Variants in FGGY observed in about 807,000 individuals in gnomAD.
FGGY encodes the protein FGGY carbohydrate kinase domain-containing protein.
A neutral mutation model predicts 71.3 loss-of-function variants in FGGY; 72 were observed. The ratio of observed to expected loss-of-function variants is 1.01; its 90% confidence interval spans 0.84 to 1.23. FGGY has a LOEUF of 1.23. Ranked by LOEUF, FGGY falls within the 50% of genes most tolerant of loss-of-function variation. FGGY has a pLI of 0.00. For missense variants in FGGY, 668 were observed against 682.3 expected, an observed-to-expected ratio of 0.98 and a Z score of 0.23; for synonymous variants, 251 against 250.3, an observed-to-expected ratio of 1.00 and a Z score of -0.02.
chr1:59,583,524 G>A (rs1485914908), intron 8 of FGGY, among the ~76,000 whole-genome samples: 1 of 143,298 alleles, frequency 7.0e-6, no homozygotes, highest in Non-Finnish European at 1.5e-5. Flanking sequence ...GGTTGAAGTA[G>A]TGAGCATGAA....
chr1:59,369,699 A>G (rs539125590), intron 4 of FGGY, among the ~76,000 whole-genome samples: 1 of 152,078 alleles, frequency 6.6e-6, no homozygotes, highest in East Asian at 1.9e-4. Flanking sequence ...ACGGCCGGAT[A>G]CTCCTCTGAG....
chr1:59,399,042 T>A (rs2061637066), intron 5 of FGGY, among the ~76,000 whole-genome samples: 1 of 152,210 alleles, frequency 6.6e-6, no homozygotes, highest in South Asian at 2.1e-4. Context: ...AAAGGAAGCC[T>A]GGTCAAGTTT....
intron 7 of FGGY, among the ~76,000 whole-genome samples, chr1:59,551,061 A>G (rs1029641608): frequency 2.0e-5 from 3 of 152,178 alleles, no homozygotes; most frequent in Non-Finnish European, 4.4e-5. Context: ...GGAAGAATCC[A>G]GTTGTCTCTT....
chr1:59,660,222 A>T lies in FGGY; in HGVS notation c.1225A>T (p.Thr409Ser). The change falls in exon 12 of 16, where the codon ACC becomes TCC. Residue 409 changes from threonine (T) to serine (S), a missense_variant. Coordinates refer to ENST00000303721, the MANE Select transcript of FGGY (RefSeq NM_018291.5). ...LADLTLKGMV[T>S]GLKLSQDLDD... is the part of the protein sequence containing the mutation. ...TTTCTTCCCTTCATGCCTGCAGGTCACCGGATTGAAACTGTCTCAGGACCT... is the reference window on the plus strand; with the variant it reads ...TTTCTTCCCTTCATGCCTGCAGGTCTCCGGATTGAAACTGTCTCAGGACCT... 1 of 1,613,438 alleles carries T rather than the reference A, an allele frequency of 6.2e-7. No homozygotes were observed. Among genetic ancestry groups the T allele is most frequent in the Non-Finnish European group, 8.5e-7 (1 of 1,179,880 alleles).
At chr1:59,359,317 G>A (rs928266783) in intron 4 of FGGY, among the ~76,000 whole-genome samples, 1 of 152,112 alleles carries the variant, frequency 6.6e-6, no homozygotes, top group Non-Finnish European at 1.5e-5. Flanking sequence ...ATGAACTCTA[G>A]AATAAAACGT....
intron 11 of FGGY, among the ~76,000 whole-genome samples, chr1:59,653,451 C>T (rs558875807): frequency 6.6e-6 from 1 of 152,292 alleles, no homozygotes; most frequent in South Asian, 2.1e-4. Context: ...GATATAGTCT[C>T]GTGGTTCGCC....
chr1:59,534,606 A>C (rs1461147945), intron 7 of FGGY, among the ~76,000 whole-genome samples: 1 of 152,220 alleles, frequency 6.6e-6, no homozygotes, highest in Admixed American at 6.5e-5. Context: ...CCTCAAAGGG[A>C]AGCCCATCAG....
chr1:59,458,300 A>G (rs932570879), intron 6 of FGGY, among the ~76,000 whole-genome samples: 1 of 152,184 alleles, frequency 6.6e-6, no homozygotes, highest in Non-Finnish European at 1.5e-5. Flanking sequence ...GCTGTTTGAC[A>G]TAAGGATTTT....
chr1:59,662,333 A>AG (rs1197508434), intron 12 of FGGY, among the ~76,000 whole-genome samples: 3 of 149,966 alleles, frequency 2.0e-5, no homozygotes, highest in Non-Finnish European at 2.9e-5. Context: ...AAAAAAAAAA[A>AG]AAGAGAGAGA....
At chr1:59,730,791 T>G (rs2098017402) in intron 14 of FGGY, among the ~76,000 whole-genome samples, 1 of 151,960 alleles carries the variant, frequency 6.6e-6, no homozygotes, top group Non-Finnish European at 1.5e-5. Flanking sequence ...ATCACCTGAG[T>G]TGAGTTGTAA....
At chr1:59,611,873 T>A (rs1442395985) in intron 9 of FGGY, among the ~76,000 whole-genome samples, 3 of 152,212 alleles carry the variant, frequency 2.0e-5, no homozygotes, top group African/African-American at 7.2e-5. Context: ...AGTAGCCGAT[T>A]TGATCAACTG....
chr1:59,723,359 C>T lies in FGGY; in HGVS notation c.1513-34572C>T, dbSNP rs140732939. On this transcript the variant is annotated intron_variant, in intron 14 of 15. Coordinates refer to ENST00000303721, the MANE Select transcript of FGGY (RefSeq NM_018291.5). ...TTGCCACATGGATCATTCTAACTCG[C>T]TCTCCTTGCTTATATTTAAATTCCC... Among the ~76,000 whole-genome samples the T allele has an allele frequency of 5.4e-3, 818 of 152,192 alleles. 10 individuals carry two copies. Among genetic ancestry groups the T allele is most frequent in the African/African-American group, 0.018 (761 of 41,498 alleles).
intron 5 of FGGY, among the ~76,000 whole-genome samples, chr1:59,411,329 A>G (rs1192208797): frequency 6.6e-6 from 1 of 152,270 alleles, no homozygotes; most frequent in Non-Finnish European, 1.5e-5. Context: ...ACAGTGCATC[A>G]CAGCAGGAGG....
intron 6 of FGGY, among the ~76,000 whole-genome samples, chr1:59,499,295 G>GTTTTTTTTTTTT (rs1558134095): frequency 1.3e-4 from 9 of 70,100 alleles, no homozygotes; most frequent in African/African-American, 4.0e-4. Flanking sequence ...TGTATACTAT[G>GTTTTTTTTTTTT]TTTGTTTTTT....
chr1:59,357,300 G>A (rs2054517806), intron 4 of FGGY, among the ~76,000 whole-genome samples: 1 of 151,068 alleles, frequency 6.6e-6, no homozygotes, highest in African/African-American at 2.4e-5. Flanking sequence ...AAAAGTTGTT[G>A]GCCAGATACC....
At chr1:59,483,907 C>CTTGA (rs2093581717) in intron 6 of FGGY, among the ~76,000 whole-genome samples, 1 of 151,834 alleles carries the variant, frequency 6.6e-6, no homozygotes, top group East Asian at 1.9e-4. Context: ...ATGAAGGAAG[C>CTTGA]AGGGGTCTTG....
At chr1:59,571,008 C>T (rs2095976051) in intron 8 of FGGY, among the ~76,000 whole-genome samples, 1 of 152,170 alleles carries the variant, frequency 6.6e-6, no homozygotes, top group African/African-American at 2.4e-5. Context: ...TAATTTTAAT[C>T]CATATACATT....
intron 6 of FGGY, among the ~76,000 whole-genome samples, chr1:59,488,270 C>T (rs1018393127): frequency 6.6e-6 from 1 of 151,848 alleles, no homozygotes; most frequent in Admixed American, 6.6e-5. Context: ...AAAAATACTG[C>T]AGGGAACCTT....
intron 5 of FGGY, among the ~76,000 whole-genome samples, chr1:59,397,582 C>CT (rs60264464): frequency 0.06 from 9,058 of 151,834 alleles, 859 homozygotes; most frequent in African/African-American, 0.21. Context: ...TTGAGGAAGG[C>CT]TTTTTTTTGC....
Sources: gnomAD v4.1 joint callset for allele counts (sites outside exome capture counted in the v4.1 genomes callset) on GRCh38, gnomAD v4.1.1 for gene constraint, MANE v1.5 for transcripts, NCBI Gene and HGNC (gene_info 2026-07-23, HGNC 2026-07-21) for gene names.